SLCO1A2: variants seen among roughly 807,000 people sequenced by gnomAD.
SLCO1A2 encodes the protein OATP-1.
A neutral mutation model predicts 69.0 loss-of-function variants in SLCO1A2; 67 were observed. That is an observed-to-expected ratio of 0.97 (90% confidence interval 0.80 to 1.19). SLCO1A2 has a LOEUF of 1.19. Ranked by LOEUF, SLCO1A2 falls within the 50% of genes most tolerant of loss-of-function variation. The probability of loss-of-function intolerance (pLI) is 0.00; values close to 1 mark genes in which losing one functional copy is unlikely to be tolerated. For missense variants in SLCO1A2, 787 were observed against 793.7 expected, an observed-to-expected ratio of 0.99 and a Z score of 0.10; for synonymous variants, 260 against 265.9, an observed-to-expected ratio of 0.98 and a Z score of 0.22.
intron 1 of SLCO1A2, among the ~76,000 whole-genome samples, chr12:21,386,243 G>A (rs1036023587): frequency 1.3e-5 from 2 of 151,944 alleles, no homozygotes; most frequent in Admixed American, 1.3e-4. Flanking sequence ...ACATTTCTTG[G>A]CTTATTTTTG....
At chr12:21,285,787 A>G (rs1945664063) in intron 12 of SLCO1A2, among the ~76,000 whole-genome samples, 2 of 151,724 alleles carry the variant, frequency 1.3e-5, no homozygotes, top group Non-Finnish European at 1.5e-5. Context: ...ATGCAGAAAA[A>G]GCCTTTGACA....
At chr12:21,318,563 T>A (rs1951185892) in intron 3 of SLCO1A2, among the ~76,000 whole-genome samples, 1 of 152,102 alleles carries the variant, frequency 6.6e-6, no homozygotes, top group Admixed American at 6.6e-5. Flanking sequence ...AAAAGAACAA[T>A]GGTAGGATAT....
chr12:21,329,554 C>T (rs1418556409), intron 2 of SLCO1A2, among the ~76,000 whole-genome samples: 5 of 151,394 alleles, frequency 3.3e-5, no homozygotes, highest in Admixed American at 6.6e-5. Flanking sequence ...AGAGCTAACT[C>T]CTCGGGAGCA....
chr12:21,407,646 C>T (rs2137201417), intron 1 of SLCO1A2, among the ~76,000 whole-genome samples: 1 of 151,984 alleles, frequency 6.6e-6, no homozygotes, highest in East Asian at 1.9e-4. Context: ...ACAAAAAACA[C>T]AAAAATTAGC....
In SLCO1A2 at chr12:21,325,458, T is replaced by C. The variant is rs1591846085; in HGVS notation, c.61-6535A>G. On this transcript the variant is annotated intron_variant, in intron 2 of 14. Coordinates refer to ENST00000683939, the MANE Select transcript of SLCO1A2 (RefSeq NM_001386879.1). ...TTTTACTTTTTCTGGTGAAAAATGA[T>C]TTGAGTTCCCAGCAAGGGATTGAGC... is the stretch of plus-strand genomic sequence containing the variant. Among the ~76,000 whole-genome samples, 4 of 152,316 alleles carry C rather than the reference T, an allele frequency of 2.6e-5. No individual in the cohort carries two copies. In the East Asian group the frequency reaches 7.7e-4, roughly 29 times the overall value.
rs901735196 is a variant in SLCO1A2, at chr12:21,315,596, A to G, written c.203-915T>C. 5.9e-5 allele frequency among the ~76,000 whole-genome samples: 9 copies of G among 152,284 alleles called. No individual in the cohort carries two copies. The East Asian group carries it at 1.7e-3, about 29-fold the overall frequency. Reference sequence around the variant, plus strand: ...GTTAATAATTTTCTAAGTGGTGTATATTTTGAAAAGTTTTCTTTCCACCTG... The same window carrying G: ...GTTAATAATTTTCTAAGTGGTGTATGTTTTGAAAAGTTTTCTTTCCACCTG... On this transcript the variant is annotated intron_variant, in intron 3 of 14. Transcript: ENST00000683939.
At chr12:21,363,197 C>G (rs1218171532) in intron 2 of SLCO1A2, among the ~76,000 whole-genome samples, 1 of 152,186 alleles carries the variant, frequency 6.6e-6, no homozygotes, top group Admixed American at 6.5e-5. Flanking sequence ...CAAACTGTCT[C>G]TCAGACCACA....
At chr12:21,392,671 G>A (rs1041716351) in intron 1 of SLCO1A2, among the ~76,000 whole-genome samples, 11 of 152,064 alleles carry the variant, frequency 7.2e-5, no homozygotes, top group Non-Finnish European at 1.5e-4. Flanking sequence ...ACACATGCTG[G>A]CAATGAGAGT....
chr12:21,401,469 T>C (rs1035983420), intron 1 of SLCO1A2, among the ~76,000 whole-genome samples: 18 of 151,946 alleles, frequency 1.2e-4, no homozygotes, highest in African/African-American at 4.3e-4. Flanking sequence ...TAAGAAAAAT[T>C]ATCATGCTTA....
Position 21,391,680 on chromosome 12 carries a change from T to A in SLCO1A2, c.-190+3226A>T, listed in dbSNP as rs775648354. On this transcript the variant is annotated intron_variant, in intron 1 of 15. Transcript: ENST00000307378. ...ATTCATTTTATAGGTCCATTTTTTTTAAATTCCACTGACACTGTAATCTCA... is the reference window on the plus strand; with the variant it reads ...ATTCATTTTATAGGTCCATTTTTTTAAAATTCCACTGACACTGTAATCTCA... 6.8e-4 allele frequency among the ~76,000 whole-genome samples: 104 copies of A among 152,070 alleles called. 1 individual carries two copies. Among genetic ancestry groups the A allele is most frequent in the Non-Finnish European group, 1.0e-3 (70 of 67,972 alleles).
At chr12:21,306,848 G>T (rs764239898) in intron 5 of SLCO1A2, 34 bp downstream of exon 5, 2 of 1,460,120 alleles carry the variant, frequency 1.4e-6, no homozygotes, top group Non-Finnish European at 1.9e-6. Context: ...TTATAAGTTC[G>T]CTGAACAAAA....
rs1409305328 is a variant in SLCO1A2, at chr12:21,355,910, G to A, written c.-63+18489C>T. On this transcript the variant is annotated intron_variant, in intron 2 of 15. Transcript: ENST00000307378. ...ACTTAAAATGGCCAAGAAGTATTTA[G>A]AACTAAACTAACTTAATCTTTGATA... Among the ~76,000 whole-genome samples the A allele has an allele frequency of 2.0e-5, 3 of 152,106 alleles. No homozygotes were observed. The East Asian group carries it at 5.8e-4, about 29-fold the overall frequency.
At chr12:21,419,309 G>A (rs142295240), upstream of SLCO1A2, 5,281 of 157,058 alleles carry the variant, frequency 0.034, 130 homozygotes, top group Middle Eastern at 0.072. Flanking sequence ...CTGAGGTACC[G>A]GGTTCATCTC....
At chr12:21,394,921 A>C (rs1457625025) in exon 1 of SLCO1A2, 1 of 152,262 alleles carries the variant, frequency 6.6e-6, no homozygotes, top group East Asian at 1.9e-4. Flanking sequence ...TGTCAGGAAG[A>C]TGATGATAGT....
At chr12:21,318,950 G>C in intron 2 of SLCO1A2, 27 bp from the exon 3 acceptor site, 3 of 1,545,416 alleles carry the variant, frequency 1.9e-6, no homozygotes, top group Non-Finnish European at 2.6e-6. Context: ...AGAAAACGTA[G>C]AAAAAATTAT....
chr12:21,337,903 A>G (rs1165142082), upstream of SLCO1A2, among the ~76,000 whole-genome samples: 1 of 152,012 alleles, frequency 6.6e-6, no homozygotes, highest in Non-Finnish European at 1.5e-5. Flanking sequence ...TGAGCCATAA[A>G]ATGTTATCCA....
intron 12 of SLCO1A2, among the ~76,000 whole-genome samples, chr12:21,290,649 A>C (rs1423909531): frequency 6.6e-6 from 1 of 152,184 alleles, no homozygotes; most frequent in Non-Finnish European, 1.5e-5. Flanking sequence ...ACATATAAAA[A>C]TAGATTTGAG....
At chr12:21,303,385 G>T (rs1948961611) in intron 6 of SLCO1A2, among the ~76,000 whole-genome samples, 1 of 152,136 alleles carries the variant, frequency 6.6e-6, no homozygotes. Context: ...GGACTGAATA[G>T]AAAATCACTG....
chr12:21,372,969 C>T (rs1251225405), intron 2 of SLCO1A2: 1 of 245,382 alleles, frequency 4.1e-6, no homozygotes, highest in Non-Finnish European at 7.9e-6. Flanking sequence ...CTATCAGAAG[C>T]ATTTGCTGAT....
Sources: allele counts gnomAD v4.1 joint callset (sites outside exome capture counted in the v4.1 genomes callset), GRCh38; gene constraint gnomAD v4.1.1; transcripts MANE v1.5; gene names NCBI Gene and HGNC (gene_info 2026-07-23, HGNC 2026-07-21).